SAG: variants seen among roughly 807,000 people sequenced by gnomAD.
The protein encoded by SAG is S-antigen visual arrestin, also known as S-arrestin.
A neutral mutation model predicts 55.0 loss-of-function variants in SAG; 45 were observed. That is an observed-to-expected ratio of 0.82 (90% CI 0.64 to 1.05). The LOEUF (loss-of-function observed/expected upper bound fraction) is 1.05, where lower values mean the gene tolerates loss of function less well. Among genes scored for constraint, SAG ranks in the 50% least tolerant of loss-of-function variants. The pLI is 0.00. For missense variants in SAG, 455 were observed against 512.1 expected (o/e 0.89, Z 1.08); for synonymous variants, 189 against 197.4 (o/e 0.96, Z 0.36).
At chr2:233,324,257 T>G (rs1700477609) in intron 6 of SAG, among the ~76,000 whole-genome samples, 1 of 152,122 alleles carries the variant, frequency 6.6e-6, no homozygotes, top group Admixed American at 6.5e-5. Context: ...CCAGGATTGG[T>G]GGCACATGCC....
At position 233,347,002 on chromosome 2, in the gene SAG, G is replaced by T. The variant is rs143418950; in HGVS notation, c.*90G>T. The T allele has an allele frequency of 2.8e-6, 2 of 705,664 alleles. No homozygotes were observed. Among genetic ancestry groups the T allele is most frequent in the African/African-American group, 1.8e-5 (1 of 55,832 alleles). The allele number at this position is 705,664 out of a possible 1,614,324, so 43.7% of individuals were successfully genotyped here. ...GTTTAGTCCTTTGGAGTTATGCTGC[G>T]TATGAAAGGATGAGTCTTCTTCCGA... On this transcript the variant is annotated 3_prime_UTR_variant, in exon 16 of 16. Coordinates refer to ENST00000409110, the MANE Select transcript of SAG (RefSeq NM_000541.5). This position sits in a 1 kb window ranked among gnomAD's most constrained non-coding sequence, Gnocchi z 4.5.
At chr2:233,318,495 A>G (rs1700280098) in intron 3 of SAG, among the ~76,000 whole-genome samples, 2 of 152,162 alleles carry the variant, frequency 1.3e-5, no homozygotes, top group African/African-American at 4.8e-5. Context: ...GGCCTCCCAA[A>G]GTACTGGGAT....
At chr2:233,331,383 G>T in intron 9 of SAG, 1 of 540,566 alleles carries the variant, frequency 1.8e-6, no homozygotes, top group Non-Finnish European at 3.3e-6. Context: ...GGAAAGGAGG[G>T]GTCTCCCAGG....
Position 233,320,806 on chromosome 2 carries a change from T to C in SAG, c.358T>C (p.Tyr120His). 6.3e-7 allele frequency: 1 copy of C among 1,596,250 alleles called. No homozygotes were observed. Among genetic ancestry groups the C allele is most frequent in the African/African-American group, 1.3e-5 (1 of 74,596 alleles). Residue 120 changes from tyrosine (Y) to histidine (H), a missense_variant, in exon 5 of 16, where the codon TAC becomes CAC. Transcript: ENST00000409110. ...GCTTAAAAAGCTGGGGAGCAACACG[T>C]ACCCCTTTCTCCTGACGGTGGGTGA... ...SLLKKLGSNT[Y>H]PFLLTFPDYL...
rs1700585506 is a variant in SAG at position 233,327,137 on chromosome 2, T to C, written c.452T>C (p.Phe151Ser). Residue 151 changes from phenylalanine (F) to serine (S), a missense_variant, in exon 7 of 16, where the codon TTT (phenylalanine) becomes TCT (serine). Coordinates refer to ENST00000409110, the MANE Select transcript of SAG (RefSeq NM_000541.5). Reference sequence around the variant, plus strand: ...CCCCAACAGTCCTGTGGGGTTGACTTTGAGGTCAAAGCATTCGCCACAGAC... The same window carrying C: ...CCCCAACAGTCCTGTGGGGTTGACTCTGAGGTCAAAGCATTCGCCACAGAC... Reference protein sequence around the residue: ...QDSGKSCGVDFEVKAFATDST... With the variant: ...QDSGKSCGVDSEVKAFATDST... 1 of 1,613,792 alleles carries C rather than the reference T, an allele frequency of 6.2e-7. No individual in the cohort carries two copies. Among genetic ancestry groups the C allele is most frequent in the Non-Finnish European group, 8.5e-7 (1 of 1,179,732 alleles).
At chr2:233,322,920 G>T (rs1468745184) in intron 5 of SAG, 26 bp from the exon 6 acceptor site, 1 of 1,410,474 alleles carries the variant, frequency 7.1e-7, no homozygotes, top group Non-Finnish European at 9.8e-7. Flanking sequence ...TGAAATAAAT[G>T]ATTTTTTATT....
At chr2:233,338,980 A>G (rs1701020431) in intron 12 of SAG, 2 of 642,484 alleles carry the variant, frequency 3.1e-6, no homozygotes, top group African/African-American at 1.8e-5. Flanking sequence ...AAATGTGTGC[A>G]TTCTTAGCGC....
chr2:233,318,074 G>A (rs6745476), intron 3 of SAG, among the ~76,000 whole-genome samples: 111,975 of 151,976 alleles, frequency 0.74, 41,733 homozygotes, highest in African/African-American at 0.84. Flanking sequence ...CCCAGGTTTA[G>A]GAATTCCCCC....
In SAG at chr2:233,315,113, G is replaced by A. The variant is rs537043931; in HGVS notation, c.76-962G>A. Reference sequence around the variant, plus strand: ...CTCCCATAAGTGGGTAGAGACCTTCGTTGCCAGGGGCAGGACAGGGCCAGG... The same window carrying A: ...CTCCCATAAGTGGGTAGAGACCTTCATTGCCAGGGGCAGGACAGGGCCAGG... On this transcript the variant is annotated intron_variant, in intron 2 of 15. Transcript: ENST00000409110. Among the ~76,000 whole-genome samples, 142 of 152,226 alleles carry A rather than the reference G, an allele frequency of 9.3e-4. 1 individual carries two copies. The highest frequency in any genetic ancestry group is 3.3e-3 in the African/African-American group (139 of 41,540).
intron 2 of SAG, among the ~76,000 whole-genome samples, chr2:233,314,504 C>A: frequency 6.6e-6 from 1 of 152,170 alleles, no homozygotes; most frequent in Non-Finnish European, 1.5e-5. Context: ...CTGGTCAGCC[C>A]CGCAGGGTGG....
chr2:233,316,452 C>T (rs1356790703), intron 3 of SAG, among the ~76,000 whole-genome samples: 1 of 151,994 alleles, frequency 6.6e-6, no homozygotes, highest in Non-Finnish European at 1.5e-5. Flanking sequence ...GCTGGGATTA[C>T]AGGAATGCAT....
At chr2:233,325,155 G>A in intron 6 of SAG, among the ~76,000 whole-genome samples, 1 of 149,348 alleles carries the variant, frequency 6.7e-6, no homozygotes, top group African/African-American at 2.5e-5. Flanking sequence ...AGTGAGCCGA[G>A]ATTGTGCCAC....
At chr2:233,318,092 G>C (rs1700263370) in intron 3 of SAG, among the ~76,000 whole-genome samples, 1 of 152,086 alleles carries the variant, frequency 6.6e-6, no homozygotes, top group Non-Finnish European at 1.5e-5. Flanking sequence ...CCCTACCTCA[G>C]CCTCTCACAT....
At chr2:233,313,561 A>T (rs1017716267) in intron 2 of SAG, among the ~76,000 whole-genome samples, 1 of 151,348 alleles carries the variant, frequency 6.6e-6, no homozygotes, top group Non-Finnish European at 1.5e-5. Context: ...ACCAGTGAAG[A>T]TCTCTTTACC....
In SAG at chr2:233,328,459, C is replaced by T; in HGVS notation, c.513-19C>T. The stretch of plus-strand genomic sequence containing the variant: ...GCCTGGGTGCCAATCCCTGGCTTGT[C>T]TGTGGCTGTTTCCCACAGGAGCTCC... On this transcript the variant is annotated intron_variant, in intron 7 of 15. Coordinates refer to ENST00000409110, the MANE Select transcript of SAG (RefSeq NM_000541.5). 1.2e-6 allele frequency: 2 copies of T among 1,609,254 alleles called. No homozygotes were observed. Among genetic ancestry groups the T allele is most frequent in the Non-Finnish European group, 1.7e-6 (2 of 1,176,274 alleles).
At chr2:233,329,228 A>G (rs1263398638) in intron 8 of SAG, 3 of 426,458 alleles carry the variant, frequency 7.0e-6, no homozygotes, top group African/African-American at 2.0e-5. Flanking sequence ...CTTTCACTTC[A>G]CTCATCCTGC....
In SAG at chr2:233,319,731, G is replaced by A; in HGVS notation, c.182-899G>A. On this transcript the variant is annotated intron_variant, in intron 4 of 15. Transcript: ENST00000409110. This position sits in a 1 kb window ranked among gnomAD's most constrained non-coding sequence, Gnocchi z 4.4. Reference sequence around the variant, plus strand: ...AGTCCTTGACCAGAGAAGGGCGCCTGTTCTCAGGGAAAGCCACTGCACAGG... The same window carrying A: ...AGTCCTTGACCAGAGAAGGGCGCCTATTCTCAGGGAAAGCCACTGCACAGG... 1 of 985,686 alleles carries A rather than the reference G, an allele frequency of 1.0e-6. No individual in the cohort carries two copies. Among genetic ancestry groups the A allele is most frequent in the East Asian group, 1.1e-4 (1 of 8,808 alleles). The allele number at this position is 985,686 out of a possible 1,614,324, so 61.1% of individuals were successfully genotyped here.
chr2:233,346,523 C>A, intron 15 of SAG, 111 bp downstream of exon 15: 1 of 1,189,154 alleles, frequency 8.4e-7, no homozygotes, highest in Non-Finnish European at 1.3e-6. Flanking sequence ...CTCCTGCCGG[C>A]TCAGGAGGCA....
chr2:233,316,239 G>A (rs538528466), intron 3 of SAG, 104 bp downstream of exon 3: 1 of 654,690 alleles, frequency 1.5e-6, no homozygotes, highest in East Asian at 3.1e-5. Flanking sequence ...TCTAAATAAA[G>A]ACATGCAAAT....
Sources: allele counts gnomAD v4.1 joint callset (sites outside exome capture counted in the v4.1 genomes callset), GRCh38; gene constraint gnomAD v4.1.1; non-coding constraint Gnocchi (gnomAD v3.1); transcripts MANE v1.5; gene names NCBI Gene and HGNC (gene_info 2026-07-23, HGNC 2026-07-21).